The following XIRP2 variants were observed in gnomAD, a reference collection of about 807,000 sequenced individuals.
XIRP2 encodes the protein xin actin binding repeat containing 2.
XIRP2 carries 236 observed loss-of-function variants against 277.0 expected under a neutral mutation model. The ratio of observed to expected loss-of-function variants is 0.85; its 90% CI spans 0.77 to 0.95. The LOEUF is 0.95. Among genes scored for constraint, XIRP2 ranks in the 40% least tolerant of loss-of-function variants. The pLI, the probability that XIRP2 is intolerant of heterozygous loss-of-function variation, is 0.00. For synonymous variants in XIRP2, 1,490 were observed against 1,416.5 expected (o/e 1.05, Z -1.17); for missense variants, 4,640 against 4,157.5 (o/e 1.12, Z -3.19).
chr2:167,080,550 T>C (rs1389282665), intron 2 of XIRP2, among the ~76,000 whole-genome samples: 1 of 152,194 alleles, frequency 6.6e-6, no homozygotes, highest in East Asian at 1.9e-4. Context: ...GTATATTCAA[T>C]TCCTCTCATC....
chr2:167,172,948 T>C (rs4114997), intron 3 of XIRP2, among the ~76,000 whole-genome samples: 5 of 152,194 alleles, frequency 3.3e-5, no homozygotes, highest in African/African-American at 9.6e-5. Context: ...TGTTCAGAGA[T>C]TGCAGTAAAG....
At chr2:166,958,261 G>C (rs1686214410) in intron 2 of XIRP2, among the ~76,000 whole-genome samples, 2 of 151,894 alleles carry the variant, frequency 1.3e-5, no homozygotes, top group Admixed American at 1.3e-4. Context: ...TTGGAAAATA[G>C]AGTAAATTAG....
chr2:167,147,935 T>A (rs544507516), intron 3 of XIRP2, among the ~76,000 whole-genome samples: 7 of 152,290 alleles, frequency 4.6e-5, no homozygotes, highest in African/African-American at 1.7e-4. Context: ...CAAGTATTCT[T>A]CAAGAGCAAA....
chr2:166,897,345 A>G (rs1430881448), intron 1 of XIRP2, among the ~76,000 whole-genome samples: 2 of 152,116 alleles, frequency 1.3e-5, no homozygotes, highest in East Asian at 3.9e-4. Context: ...ATCAGGGAAT[A>G]TGGGAAGAAG....
chr2:167,183,931 T>A (rs1283739257), intron 3 of XIRP2, among the ~76,000 whole-genome samples: 3 of 152,254 alleles, frequency 2.0e-5, no homozygotes, highest in East Asian at 1.9e-4. Flanking sequence ...CGCCTTAATT[T>A]ATTTATTTAT....
chr2:166,928,782 C>T (rs1198678185), intron 2 of XIRP2, among the ~76,000 whole-genome samples: 1 of 152,104 alleles, frequency 6.6e-6, no homozygotes, highest in Non-Finnish European at 1.5e-5. Context: ...TTCCCCTCCA[C>T]TACTCTCATG....
At chr2:167,091,930 A>C (rs187493384) in intron 2 of XIRP2, among the ~76,000 whole-genome samples, 87 of 152,078 alleles carry the variant, frequency 5.7e-4, no homozygotes, top group Non-Finnish European at 1.0e-3. Context: ...AAAGTCTAGG[A>C]TATTGTGACT....
chr2:167,132,812 G>A (rs1260502865), intron 2 of XIRP2, among the ~76,000 whole-genome samples: 1 of 152,134 alleles, frequency 6.6e-6, no homozygotes, highest in East Asian at 1.9e-4. Flanking sequence ...TTCCCTGGGA[G>A]AGCCCTATAC....
intron 2 of XIRP2, among the ~76,000 whole-genome samples, chr2:167,037,995 G>A (rs143439214): frequency 6.6e-6 from 1 of 152,044 alleles, no homozygotes; most frequent in African/African-American, 2.4e-5. Context: ...AATTCGAATA[G>A]TACTAAATGA....
chr2:167,015,418 TTATCTATCTATCTATC>T (rs143244808), intron 2 of XIRP2, among the ~76,000 whole-genome samples: 17 of 147,268 alleles, frequency 1.2e-4, no homozygotes, highest in East Asian at 4.1e-4. Context: ...TATCTGTCTT[TTATCTATCTATCTATC>T]TATCTATCTA....
intron 2 of XIRP2, among the ~76,000 whole-genome samples, chr2:167,075,906 T>C (rs1807380): frequency 0.3 from 46,158 of 151,506 alleles, 9,735 homozygotes; most frequent in African/African-American, 0.6. Context: ...GAACTTCTGG[T>C]CTCAAGTGAT....
intron 2 of XIRP2, among the ~76,000 whole-genome samples, chr2:166,920,212 C>T (rs1404407026): frequency 1.3e-5 from 2 of 152,138 alleles, no homozygotes; most frequent in Non-Finnish European, 2.9e-5. Context: ...TAGTCACAAT[C>T]ATCATAGAAG....
chr2:167,201,534 G>A (rs143810195), intron 3 of XIRP2, among the ~76,000 whole-genome samples: 4 of 152,102 alleles, frequency 2.6e-5, no homozygotes, highest in Non-Finnish European at 5.9e-5. Context: ...TCCCTTCCTT[G>A]CAGTTAAGTT....
chr2:167,096,394 C>G (rs1282755956), intron 2 of XIRP2, among the ~76,000 whole-genome samples: 1 of 151,694 alleles, frequency 6.6e-6, no homozygotes, highest in Non-Finnish European at 1.5e-5. Flanking sequence ...CAGTGGTGAT[C>G]TCCCCTTTAT....
intron 2 of XIRP2, among the ~76,000 whole-genome samples, chr2:166,934,030 G>C (rs1428383186): frequency 3.3e-5 from 5 of 151,964 alleles, no homozygotes; most frequent in Admixed American, 2.0e-4. Context: ...TGTGAGGATA[G>C]ACCTTAAAGT....
At chr2:166,929,926 A>AC (rs1001938946) in intron 2 of XIRP2, among the ~76,000 whole-genome samples, 1 of 152,148 alleles carries the variant, frequency 6.6e-6, no homozygotes, top group Non-Finnish European at 1.5e-5. Context: ...GCTCATCTTC[A>AC]CCTAAGATCA....
At position 167,115,210 on chromosome 2, in the gene XIRP2, G is replaced by A. The variant is rs879812185; in HGVS notation, c.409-20699G>A. Among the ~76,000 whole-genome samples, 9 of 152,212 alleles carry A rather than the reference G, an allele frequency of 5.9e-5. No homozygotes were observed. The South Asian group carries it at 8.3e-4, about 14-fold the overall frequency. ...TGTGTTTTTCAGCTCTATCAGATCC[G>A]TTTGGTTCTTTTGTATAATTGCTAT... On this transcript the variant is annotated intron_variant, in intron 2 of 10. Transcript: ENST00000409195.
intron 3 of XIRP2, among the ~76,000 whole-genome samples, chr2:167,168,249 G>A (rs2105346653): frequency 6.6e-6 from 1 of 152,182 alleles, no homozygotes; most frequent in South Asian, 2.1e-4. Flanking sequence ...AGTGTTCTCT[G>A]CGCTTTCTGG....
At chr2:167,100,773 T>C (rs572955496) in intron 2 of XIRP2, among the ~76,000 whole-genome samples, 1 of 152,362 alleles carries the variant, frequency 6.6e-6, no homozygotes, top group South Asian at 2.1e-4. Context: ...ACCTTCAACC[T>C]CTGCCTCTCC....
Sources: gnomAD v4.1 joint callset for allele counts (sites outside exome capture counted in the v4.1 genomes callset) on GRCh38, gnomAD v4.1.1 for gene constraint, MANE v1.5 for transcripts, NCBI Gene and HGNC (gene_info 2026-07-23, HGNC 2026-07-21) for gene names.